The following LRP1 variants were observed in gnomAD, a reference collection of about 807,000 sequenced individuals.
The protein encoded by LRP1 is prolow-density lipoprotein receptor-related protein 1.
Under a neutral mutation model 541.5 loss-of-function variants are expected in LRP1, and 51 were observed. That is an observed-to-expected ratio of 0.09 (90% CI 0.08 to 0.12). LRP1 has a LOEUF of 0.12. LRP1 is among the 10% of genes least tolerant of loss of function. The pLI, the probability that LRP1 is intolerant of heterozygous loss-of-function variation, is 1.00. For synonymous variants in LRP1, 2,219 were observed against 2,470.8 expected, an observed-to-expected ratio of 0.90 and a Z score of 3.02; for missense variants, 3,878 against 6,376.2, an observed-to-expected ratio of 0.61 and a Z score of 13.34.
chr12:57,194,351 C>T lies in LRP1; in HGVS notation c.7919-3C>T, dbSNP rs1263367739. On this transcript the variant is annotated splice_polypyrimidine_tract_variant and splice_region_variant and intron_variant, in intron 48 of 88. Transcript: ENST00000243077. ...GTATCACCCTCACCCCTGCCCCCAC[C>T]AGGTGCCACCGACTGCAGCAGCTAC... The T allele has an allele frequency of 6.6e-7, 1 of 1,511,378 alleles. No individual in the cohort carries two copies. 93.6% of individuals were successfully genotyped at this position (1,511,378 alleles called of 1,614,324 possible).
chr12:57,179,658 C>T lies in LRP1; in HGVS notation c.4966+102C>T, dbSNP rs1001426971. On this transcript the variant is annotated intron_variant, in intron 29 of 88. Transcript: ENST00000243077. The surrounding 1 kb of genome is among the most constrained non-coding windows in gnomAD (Gnocchi z 6.8). ...TGGTCCGAGTGGTCCTTCTCCCAGT[C>T]CTGTTCCCCCTCAGTGCTCCAGCCT... is the stretch of plus-strand genomic sequence containing the variant. 1 of 1,401,402 alleles carries T rather than the reference C, an allele frequency of 7.1e-7. No individual in the cohort carries two copies. Among genetic ancestry groups the T allele is most frequent in the South Asian group, 1.2e-5 (1 of 81,212 alleles). 86.8% of individuals were successfully genotyped at this position (1,401,402 alleles called of 1,614,324 possible). A position where few individuals can be genotyped will look rare whatever the true frequency, so the allele number is the denominator to read the frequency against.
At position 57,200,016 on chromosome 12, in the gene LRP1, G is replaced by A. The variant is rs140567402; in HGVS notation, c.10005G>A (p.Thr3335=). Residue 3335 remains threonine, a synonymous_variant, in exon 62 of 89, where the codon ACG becomes ACA. Coordinates refer to ENST00000243077, the MANE Select transcript of LRP1 (RefSeq NM_002332.3). ...SDGRTCVSNC[T]ASQFVCKNDK... The stretch of plus-strand genomic sequence containing the variant: ...GGCGCACCTGTGTGTCCAACTGCAC[G>A]GCTAGCCAGGTGAGGCTGTCCCCCA... 292 of 1,592,168 alleles carry A rather than the reference G, an allele frequency of 1.8e-4. No individual in the cohort carries two copies. Among genetic ancestry groups the A allele is most frequent in the Non-Finnish European group, 1.9e-4 (227 of 1,173,704 alleles).
chr12:57,173,119 T>A lies in LRP1; in HGVS notation c.3164-49T>A. The A allele has an allele frequency of 6.6e-7, 1 of 1,507,572 alleles. No homozygotes were observed. The highest frequency in any genetic ancestry group is 9.0e-7 in the Non-Finnish European group (1 of 1,111,416). 93.4% of individuals were successfully genotyped at this position (1,507,572 alleles called of 1,614,324 possible). A position where few individuals can be genotyped will look rare whatever the true frequency, so the allele number is the denominator to read the frequency against. On this transcript the variant is annotated intron_variant, in intron 20 of 88. Coordinates refer to ENST00000243077, the MANE Select transcript of LRP1 (RefSeq NM_002332.3). This position sits in a 1 kb window ranked among gnomAD's most constrained non-coding sequence, Gnocchi z 4.7. Reference sequence around the variant, plus strand: ...GGCAGGGCACAGGGATGAGGAGGGCTGACCTGGGCAACCCCTCCCTCCTGA... The same window carrying A: ...GGCAGGGCACAGGGATGAGGAGGGCAGACCTGGGCAACCCCTCCCTCCTGA...
In LRP1 at chr12:57,162,522, C is replaced by A. The variant is rs1289479461; in HGVS notation, c.2404+4C>A. 1.9e-6 allele frequency: 3 copies of A among 1,613,428 alleles called. No individual in the cohort carries two copies. Among genetic ancestry groups the A allele is most frequent in the Non-Finnish European group, 2.5e-6 (3 of 1,179,938 alleles). ...TATGATGCCCAGCAGCAGCAAGGTA[C>A]CTCCTTGGGGCTGGGGGCAGCGTGG... On this transcript the variant is annotated splice_donor_region_variant and intron_variant, in intron 14 of 88. Coordinates refer to ENST00000243077, the MANE Select transcript of LRP1 (RefSeq NM_002332.3). This position sits in a 1 kb window ranked among gnomAD's most constrained non-coding sequence, Gnocchi z 5.2.
intron 55 of LRP1, among the ~76,000 whole-genome samples, 189 bp from the exon 56 acceptor site, chr12:57,196,793 C>T (rs1165545304): frequency 6.6e-6 from 1 of 152,196 alleles, no homozygotes; most frequent in Non-Finnish European, 1.5e-5. Context: ...ACACGCAGCT[C>T]TGTCAAATGA....
chr12:57,161,383 T>C (rs887719631), intron 13 of LRP1, among the ~76,000 whole-genome samples: 1 of 152,212 alleles, frequency 6.6e-6, no homozygotes, highest in Non-Finnish European at 1.5e-5. Context: ...TGACTGTCCA[T>C]GTGCCAGTCT....
In LRP1 at chr12:57,197,870, G is replaced by A. The variant is rs1245188229; in HGVS notation, c.9282+206G>A. On this transcript the variant is annotated intron_variant, in intron 58 of 88. Coordinates refer to ENST00000243077, the MANE Select transcript of LRP1 (RefSeq NM_002332.3). This position sits in a 1 kb window ranked among gnomAD's most constrained non-coding sequence, Gnocchi z 4.5. ...CCTCTTGCCCTTCCCCTCGCTGCCA[G>A]CCTCATGTCTCCTTAATCATCAGGA... is the stretch of plus-strand genomic sequence containing the variant. Among the ~76,000 whole-genome samples the A allele has an allele frequency of 6.6e-6, 1 of 152,148 alleles. No homozygotes were observed. Among genetic ancestry groups the A allele is most frequent in the Non-Finnish European group, 1.5e-5 (1 of 68,038 alleles).
Position 57,183,827 on chromosome 12 carries a change from C to T in LRP1, c.5847C>T (p.Ala1949=), listed in dbSNP as rs760344506. ...TGGGCCTGAGCACGATCAGCCGGGC[C>T]AAGCGGGACCAGACGTGGCGTGAAG... ...VDMGLSTISR[A]KRDQTWREDV... Residue 1949 remains alanine, a synonymous_variant, in exon 36 of 89, where the codon GCC becomes GCT. Coordinates refer to ENST00000243077, the MANE Select transcript of LRP1 (RefSeq NM_002332.3). The surrounding 1 kb of genome is among the most constrained non-coding windows in gnomAD (Gnocchi z 6.1). 4.3e-6 allele frequency: 7 copies of T among 1,614,194 alleles called. No individual in the cohort carries two copies. The East Asian group carries it at 1.6e-4, about 36-fold the overall frequency.
chr12:57,198,645 C>A lies in LRP1; in HGVS notation c.9651C>A (p.Ser3217Arg). The change falls in exon 60 of 89, where the codon AGC (serine) becomes AGA (arginine). Residue 3217 changes from serine (S) to arginine (R), a missense_variant. Transcript: ENST00000243077. ...GCGAGGACTACATTGAATTTGCCAG[C>A]CTGGATGGCTCCAATCGCCACGTTG... ...DAREDYIEFA[S>R]LDGSNRHVVL... 6.2e-7 allele frequency: 1 copy of A among 1,612,216 alleles called. No individual in the cohort carries two copies. Among genetic ancestry groups the A allele is most frequent in the Non-Finnish European group, 8.5e-7 (1 of 1,179,322 alleles).
intron 33 of LRP1, among the ~76,000 whole-genome samples, 155 bp downstream of exon 33, chr12:57,180,962 T>G (rs2036153121): frequency 6.6e-6 from 1 of 152,180 alleles, no homozygotes; most frequent in Non-Finnish European, 1.5e-5. Flanking sequence ...AAAGGCGCCT[T>G]GTAGGCTCCC....
Position 57,213,211 on chromosome 12 carries a change from C to T in LRP1, c.*656C>T, listed in dbSNP as rs560517752. Reference sequence around the variant, plus strand: ...CCTCCAGCCTCCCCTCCCCTGGGGACGCCAAGGAGGTGGGCCACACCCAGG... The same window carrying T: ...CCTCCAGCCTCCCCTCCCCTGGGGATGCCAAGGAGGTGGGCCACACCCAGG... On this transcript the variant is annotated 3_prime_UTR_variant, in exon 89 of 89. Transcript: ENST00000243077. 1.3e-5 allele frequency: 2 copies of T among 151,836 alleles called. No individual in the cohort carries two copies. Among genetic ancestry groups the T allele is most frequent in the East Asian group, 1.9e-4 (1 of 5,152 alleles). 9.4% of individuals were successfully genotyped at this position (151,836 alleles called of 1,614,324 possible). A position where few individuals can be genotyped will look rare whatever the true frequency, so the allele number is the denominator to read the frequency against.
chr12:57,160,822 G>C, intron 12 of LRP1, 71 bp from the exon 13 acceptor site: 2 of 1,197,742 alleles, frequency 1.7e-6, no homozygotes, highest in Non-Finnish European at 2.5e-6. Context: ...CAGCACTCAT[G>C]GATTGGGATC....
chr12:57,200,280 G>A (rs890661177), intron 62 of LRP1, 162 bp from the exon 63 acceptor site: 13 of 656,688 alleles, frequency 2.0e-5, no homozygotes, highest in Middle Eastern at 4.0e-4. Flanking sequence ...CCTATCCCAC[G>A]CAGCCCCATA....
At chr12:57,141,617 G>C in intron 3 of LRP1, 106 bp downstream of exon 3, 7 of 1,382,996 alleles carry the variant, frequency 5.1e-6, no homozygotes, top group Non-Finnish European at 7.0e-6. Flanking sequence ...GCCTTGTCCT[G>C]GTCCCCTGCC....
Position 57,197,381 on chromosome 12 carries a change from G to A in LRP1, c.9159G>A (p.Lys3053=). ...NLDGSNYTLL[K]QGLNNAVALD... The stretch of plus-strand genomic sequence containing the variant: ...ACGGGTCCAACTACACGTTACTTAA[G>A]CAGGTACCAAACCCAGGCCCTCCTC... Residue 3053 remains lysine, a synonymous_variant, in exon 57 of 89, where the codon AAG becomes AAA. Transcript: ENST00000243077. This position sits in a 1 kb window ranked among gnomAD's most constrained non-coding sequence, Gnocchi z 4.5. The A allele has an allele frequency of 1.2e-6, 2 of 1,612,440 alleles. No homozygotes were observed. The highest frequency in any genetic ancestry group is 1.1e-5 in the South Asian group (1 of 90,950).
chr12:57,176,165 G>A, intron 24 of LRP1, 59 bp downstream of exon 24: 8 of 1,560,418 alleles, frequency 5.1e-6, no homozygotes, highest in Non-Finnish European at 7.0e-6. Flanking sequence ...GGCGCTAGGG[G>A]CCACAGGTCC....
intron 62 of LRP1, 42 bp from the exon 63 acceptor site, chr12:57,200,400 C>A: frequency 8.7e-7 from 1 of 1,149,256 alleles, no homozygotes; most frequent in South Asian, 1.2e-5. Context: ...TCTGAGTCCC[C>A]CAGACCCCCA....
Position 57,143,723 on chromosome 12 carries a change from G to A in LRP1, c.373G>A (p.Val125Ile). The A allele has an allele frequency of 6.2e-7, 1 of 1,614,180 alleles. No homozygotes were observed. Among genetic ancestry groups the A allele is most frequent in the South Asian group, 1.1e-5 (1 of 91,082 alleles). The change falls in exon 4 of 89, where the codon GTC (valine) becomes ATC (isoleucine). Residue 125 changes from valine (V) to isoleucine (I), a missense_variant. Around this residue, in one of 13 missense-constraint regions of LRP1, gnomAD observed 293 missense variants for 403.7 expected, o/e 0.73. Transcript: ENST00000243077. ...TCGCCTGGGCTGCCAGCACCATTGT[G>A]TCCCCACACTCGATGGGCCCACCTG... Reference protein sequence around the residue: ...CSRLGCQHHCVPTLDGPTCYC... With the variant: ...CSRLGCQHHCIPTLDGPTCYC...
At chr12:57,191,127 T>G in intron 43 of LRP1, 118 bp downstream of exon 43, 1 of 1,185,642 alleles carries the variant, frequency 8.4e-7, no homozygotes, top group Non-Finnish European at 1.2e-6. Context: ...AGGAGGTGAG[T>G]GCCTCCAGGC....
Sources: allele counts gnomAD v4.1 joint callset (sites outside exome capture counted in the v4.1 genomes callset), GRCh38; gene constraint gnomAD v4.1.1; regional missense constraint gnomAD v4.1.1; non-coding constraint Gnocchi (gnomAD v3.1); transcripts MANE v1.5; gene names NCBI Gene and HGNC (gene_info 2026-07-23, HGNC 2026-07-21).